The following DNAH10 variants were observed in gnomAD, a reference collection of about 807,000 sequenced individuals.
DNAH10 encodes the protein axonemal beta dynein heavy chain 10.
DNAH10 carries 348 observed loss-of-function variants against 506.6 expected under a neutral mutation model. The observed-to-expected ratio is 0.69, with a 90% confidence interval of 0.63 to 0.75. The LOEUF is 0.75. DNAH10 is among the 30% of genes least tolerant of loss of function. The pLI, the probability that DNAH10 is intolerant of heterozygous loss-of-function variation, is 0.00. For missense variants in DNAH10, 5,179 were observed against 5,787.1 expected (o/e 0.89, Z 3.41); for synonymous variants, 2,059 against 2,198.6 (o/e 0.94, Z 1.78).
At chr12:123,776,056 G>C (rs1593985080) in intron 5 of DNAH10, among the ~76,000 whole-genome samples, 1 of 152,284 alleles carries the variant, frequency 6.6e-6, no homozygotes, top group Non-Finnish European at 1.5e-5. Context: ...CATGAGAACA[G>C]TGGCATGGGG....
intron 50 of DNAH10, among the ~76,000 whole-genome samples, chr12:123,880,137 G>A (rs118151457): frequency 7.9e-5 from 12 of 152,154 alleles, no homozygotes; most frequent in South Asian, 2.1e-4. Context: ...CCTTGTTACC[G>A]GCTTTGGGTC....
At position 123,903,434 on chromosome 12, in the gene DNAH10, G is replaced by A. The variant is rs1220604691; in HGVS notation, c.9815+321G>A. ...ACGGAACATGCGGGGGCAAGTGTCC[G>A]CCCTAAGCAGGGGCAGGATGCTCAC... On this transcript the variant is annotated intron_variant, in intron 57 of 78. Coordinates refer to ENST00000673944, the MANE Select transcript of DNAH10 (RefSeq NM_001372106.1). This position sits in a 1 kb window ranked among gnomAD's most constrained non-coding sequence, Gnocchi z 4.6. 3.3e-5 allele frequency among the ~76,000 whole-genome samples: 5 copies of A among 152,168 alleles called. No individual in the cohort carries two copies. Among genetic ancestry groups the A allele is most frequent in the Admixed American group, 6.5e-5 (1 of 15,290 alleles).
At chr12:123,887,028 G>A (rs1239800341) in intron 51 of DNAH10, 114 bp from the exon 52 acceptor site, 2 of 1,284,272 alleles carry the variant, frequency 1.6e-6, no homozygotes, top group Non-Finnish European at 2.1e-6. Context: ...CTACTTCCTC[G>A]AGCTTGGACA....
rs775753080 is a variant in DNAH10, at chr12:123,820,587, G to A, written c.4008G>A (p.Glu1336=). ...SVGDDLDKGV[E]LLGVYERELA... Reference sequence around the variant, plus strand: ...GGTGTATTTATTTACTAGGAGTAGAGCTTTTAGGTGTTTATGAAAGAGAGC... The same window carrying A: ...GGTGTATTTATTTACTAGGAGTAGAACTTTTAGGTGTTTATGAAAGAGAGC... The change falls in exon 24 of 79, where the codon GAG becomes GAA. Residue 1336 remains glutamate (E), a synonymous_variant. Transcript: ENST00000673944. 1 of 1,613,778 alleles carries A rather than the reference G, an allele frequency of 6.2e-7. No homozygotes were observed. The highest frequency in any genetic ancestry group is 8.5e-7 in the Non-Finnish European group (1 of 1,179,832).
chr12:123,927,121 C>T (rs1004337526), intron 69 of DNAH10: 15 of 355,340 alleles, frequency 4.2e-5, no homozygotes, highest in East Asian at 7.3e-5. Flanking sequence ...TAGCTCACTG[C>T]AGCCTCGACC....
chr12:123,890,018 C>T (rs1210856892), intron 52 of DNAH10, among the ~76,000 whole-genome samples: 6 of 152,190 alleles, frequency 3.9e-5, no homozygotes, highest in South Asian at 2.1e-4. Context: ...ATTGAGAGCA[C>T]GCGCTCCATC....
At chr12:123,886,055 C>A (rs1952712371) in intron 51 of DNAH10, among the ~76,000 whole-genome samples, 1 of 152,218 alleles carries the variant, frequency 6.6e-6, no homozygotes, top group African/African-American at 2.4e-5. Context: ...AGCTTTAAAT[C>A]TGATGAAATA....
chr12:123,834,633 A>G (rs972683048), intron 27 of DNAH10, among the ~76,000 whole-genome samples: 17 of 152,330 alleles, frequency 1.1e-4, no homozygotes, highest in African/African-American at 2.6e-4. Flanking sequence ...CCAGATTTTC[A>G]TCAAACCAAA....
At chr12:123,838,999 A>G (rs1231773983) in intron 29 of DNAH10, among the ~76,000 whole-genome samples, 2 of 151,904 alleles carry the variant, frequency 1.3e-5, no homozygotes, top group Non-Finnish European at 2.9e-5. Flanking sequence ...TTTTTTGGAG[A>G]GATGAGGTCT....
rs368342084 is a variant in DNAH10 at position 123,926,750 on chromosome 12, A to G, written c.12035A>G (p.Lys4012Arg). The G allele has an allele frequency of 1.2e-5, 19 of 1,613,872 alleles. No homozygotes were observed. Among genetic ancestry groups the G allele is most frequent in the Non-Finnish European group, 1.4e-5 (17 of 1,179,888 alleles). Residue 4012 changes from lysine to arginine, a missense_variant, in exon 69 of 79, where the codon AAA becomes AGA. By Grantham distance (26) the Lys-to-Arg change is conservative (BLOSUM62 2). Around this residue, in one of 3 missense-constraint regions of DNAH10, gnomAD observed 4,844 missense variants for 5,430.5 expected, o/e 0.89. Coordinates refer to ENST00000673944, the MANE Select transcript of DNAH10 (RefSeq NM_001372106.1). This position sits in a 1 kb window ranked among gnomAD's most constrained non-coding sequence, Gnocchi z 4.1. ...TCCGACCCTGCCACTGATCTTATGA[A>G]ATTAGCAGAGCGAAGTGGTTTTGGA... The part of the protein sequence containing the change: ...PGSDPATDLM[K>R]LAERSGFGGN...
chr12:123,804,904 C>A lies in DNAH10; in HGVS notation c.2851C>A (p.Leu951Ile). The A allele has an allele frequency of 6.2e-7, 1 of 1,613,936 alleles. No individual in the cohort carries two copies. The highest frequency in any genetic ancestry group is 8.5e-7 in the Non-Finnish European group (1 of 1,180,052). Residue 951 changes from leucine (L) to isoleucine (I), a missense_variant, in exon 18 of 79, where the codon CTT becomes ATT. Leu to Ile is a conservative substitution (Grantham distance 5, BLOSUM62 2). Around this residue, in one of 3 missense-constraint regions of DNAH10, gnomAD observed 4,844 missense variants for 5,430.5 expected, o/e 0.89. Coordinates refer to ENST00000673944, the MANE Select transcript of DNAH10 (RefSeq NM_001372106.1). ...CGTGGACCACATGGTCCGGTGGTAT[C>A]TTGCCATTGGACCACTGCTGACCAA... Reference protein sequence around the residue: ...SDVDHMVRWYLAIGPLLTKVE... With the variant: ...SDVDHMVRWYIAIGPLLTKVE...
At chr12:123,848,677 T>C (rs567421805) in intron 33 of DNAH10, 53 bp from the exon 34 acceptor site, 2 of 1,605,112 alleles carry the variant, frequency 1.2e-6, no homozygotes, top group Non-Finnish European at 1.7e-6. Context: ...AATGTGTTGC[T>C]TGCAGTTTTA....
chr12:123,914,276 TG>T (rs2137485063), intron 60 of DNAH10, 52 bp from the exon 61 acceptor site: 1 of 1,526,136 alleles, frequency 6.6e-7, no homozygotes, highest in East Asian at 2.3e-5. Flanking sequence ...ATGTTCCTTT[TG>T]GTTGTGGCCA....
chr12:123,781,282 C>G lies in DNAH10; in HGVS notation c.824C>G (p.Thr275Ser), dbSNP rs768220779. 5.0e-6 allele frequency: 8 copies of G among 1,612,242 alleles called. No individual in the cohort carries two copies. Among genetic ancestry groups the G allele is most frequent in the Non-Finnish European group, 6.8e-6 (8 of 1,179,152 alleles). Reference sequence around the variant, plus strand: ...AAATTTGCAAGTAATATTCAAAGAACCATGCAGCAACTTGAAGGTAAGGTT... The same window carrying G: ...AAATTTGCAAGTAATATTCAAAGAAGCATGCAGCAACTTGAAGGTAAGGTT... The part of the protein sequence containing the change: ...VQKFASNIQR[T>S]MQQLEGEIKL... Residue 275 changes from threonine to serine, a missense_variant, in exon 6 of 79, where the codon ACC (threonine) becomes AGC (serine). This residue lies in a region of DNAH10 where 4,844 missense variants were observed against 5,430.5 expected (regional missense o/e 0.89). Coordinates refer to ENST00000673944, the MANE Select transcript of DNAH10 (RefSeq NM_001372106.1).
At chr12:123,873,803 A>G in intron 46 of DNAH10, 93 bp downstream of exon 46, 2 of 1,444,822 alleles carry the variant, frequency 1.4e-6, no homozygotes, top group Non-Finnish European at 1.8e-6. Flanking sequence ...GTATGAGAAC[A>G]TTGATCTTTA....
rs138090403 is a variant in DNAH10 at position 123,817,155 on chromosome 12, T to C, written c.3781-1795T>C. Among the ~76,000 whole-genome samples the C allele has an allele frequency of 6.8e-4, 103 of 150,498 alleles. 1 individual carries two copies. The highest frequency in any genetic ancestry group is 2.5e-3 in the African/African-American group (101 of 40,984). On this transcript the variant is annotated intron_variant, in intron 21 of 78. Transcript: ENST00000673944. ...TTAAGAATTTTTTTTTGGTCTTTGG[T>C]TTTCAGCAGTTGTAATATGATGTAA... is the stretch of plus-strand genomic sequence containing the variant.
intron 56 of DNAH10, 98 bp downstream of exon 56, chr12:123,898,912 A>G: frequency 1.4e-6 from 2 of 1,441,976 alleles, no homozygotes; most frequent in South Asian, 3.0e-5. Context: ...CGAGCAGGAC[A>G]GGGCTCTGCC....
rs2137635527 is a variant in DNAH10 at position 123,925,658 on chromosome 12, C to T, written c.11921+454C>T. ...AGTGCTGTGCCTCACGGCCATCGCA[C>T]TGGACAATGTAGCTCTAGCATGGGG... On this transcript the variant is annotated intron_variant, in intron 68 of 78. Coordinates refer to ENST00000673944, the MANE Select transcript of DNAH10 (RefSeq NM_001372106.1). The surrounding 1 kb of genome is among the most constrained non-coding windows in gnomAD (Gnocchi z 4.0). 6.1e-6 allele frequency: 1 copy of T among 165,032 alleles called. No individual in the cohort carries two copies. Among genetic ancestry groups the T allele is most frequent in the Non-Finnish European group, 1.3e-5 (1 of 76,152 alleles). 10.2% of individuals were successfully genotyped at this position (165,032 alleles called of 1,614,324 possible). A position where few individuals can be genotyped will look rare whatever the true frequency, so the allele number is the denominator to read the frequency against.
chr12:123,836,174 G>A (rs1000648653), intron 28 of DNAH10, among the ~76,000 whole-genome samples: 1 of 152,104 alleles, frequency 6.6e-6, no homozygotes, highest in Non-Finnish European at 1.5e-5. Flanking sequence ...TTTCCTATGT[G>A]TATAAGTTTA....
Sources: gnomAD v4.1 joint callset for allele counts (sites outside exome capture counted in the v4.1 genomes callset) on GRCh38, gnomAD v4.1.1 for gene constraint, gnomAD v4.1.1 regional missense constraint, Gnocchi (gnomAD v3.1) non-coding constraint, MANE v1.5 for transcripts, NCBI Gene and HGNC (gene_info 2026-07-23, HGNC 2026-07-21) for gene names.